KIF16B: variants seen among roughly 807,000 people sequenced by gnomAD.
The protein encoded by KIF16B is kinesin-like protein KIF16B.
KIF16B carries 98 observed loss-of-function variants against 156.3 expected under a neutral mutation model. The observed-to-expected ratio is 0.63, with a 90% CI of 0.53 to 0.74. The LOEUF is 0.74. Among genes scored for constraint, KIF16B ranks in the 30% least tolerant of loss-of-function variants. The pLI, the probability that KIF16B is intolerant of heterozygous loss-of-function variation, is 0.00. For synonymous variants in KIF16B, 564 were observed against 583.7 expected, an observed-to-expected ratio of 0.97 and a Z score of 0.49; for missense variants, 1,421 against 1,606.5, an observed-to-expected ratio of 0.88 and a Z score of 1.97.
chr20:16,428,993 T>A lies in KIF16B; in HGVS notation c.1434A>T (p.Thr478=). 1 of 1,613,166 alleles carries A rather than the reference T, an allele frequency of 6.2e-7. No homozygotes were observed. The highest frequency in any genetic ancestry group is 8.5e-7 in the Non-Finnish European group (1 of 1,179,302). ...IILYHLKEGQ[T]YVGRDDASTE... is the part of the protein sequence containing the mutation. ...TGGAAGCATCGTCTCTACCAACGTA[T>A]GTCTGACCTTCCTGGGAAGAAAACC... The change falls in exon 14 of 26, where the codon ACA becomes ACT. Residue 478 remains threonine, a synonymous_variant. Transcript: ENST00000354981.
At chr20:16,363,302 A>C (rs1355262399) in intron 22 of KIF16B, among the ~76,000 whole-genome samples, 1 of 152,176 alleles carries the variant, frequency 6.6e-6, no homozygotes, top group African/African-American at 2.4e-5. Context: ...TCAGAGGTAG[A>C]AGGCAATCAG....
intron 25 of KIF16B, among the ~76,000 whole-genome samples, chr20:16,311,491 CAAAACA>C (rs1190532271): frequency 1.3e-5 from 2 of 152,034 alleles, no homozygotes; most frequent in South Asian, 2.1e-4. Flanking sequence ...CCGTCTCAAA[CAAAACA>C]AAAACAAAAA....
chr20:16,537,704 GTT>G (rs1171475559), intron 1 of KIF16B, among the ~76,000 whole-genome samples: 6 of 101,542 alleles, frequency 5.9e-5, no homozygotes, highest in East Asian at 2.9e-4. Context: ...TCTTTTTTTC[GTT>G]TTTTTTTTTT....
intron 12 of KIF16B, among the ~76,000 whole-genome samples, chr20:16,453,121 T>G: frequency 7.7e-6 from 1 of 129,864 alleles, no homozygotes. Context: ...AAAAAAAAAA[T>G]TACTCAGGTT....
intron 17 of KIF16B, chr20:16,382,157 G>A (rs1270690964): frequency 5.0e-5 from 65 of 1,300,608 alleles, no homozygotes; most frequent in Non-Finnish European, 6.5e-5. Context: ...GAGAGAGAGA[G>A]AAAGAGAGAG....
At chr20:16,411,581 G>GA (rs747045210) in intron 15 of KIF16B, among the ~76,000 whole-genome samples, 8 of 151,172 alleles carry the variant, frequency 5.3e-5, no homozygotes, top group South Asian at 2.1e-4. Context: ...GAATAAGTAA[G>GA]AAAAAAAAAC....
intron 12 of KIF16B, among the ~76,000 whole-genome samples, chr20:16,492,701 C>A (rs17673673): frequency 2.0e-5 from 3 of 151,928 alleles, no homozygotes; most frequent in Admixed American, 2.0e-4. Flanking sequence ...CATGGAGGGA[C>A]GCTGCCGCAG....
At chr20:16,317,516 T>TGC (rs2063714658) in intron 24 of KIF16B, among the ~76,000 whole-genome samples, 1 of 152,246 alleles carries the variant, frequency 6.6e-6, no homozygotes, top group Non-Finnish European at 1.5e-5. Flanking sequence ...CCTTACAACT[T>TGC]TTTTGGAGAG....
At chr20:16,405,309 A>G (rs1468177914) in intron 16 of KIF16B, among the ~76,000 whole-genome samples, 1 of 152,158 alleles carries the variant, frequency 6.6e-6, no homozygotes, top group Admixed American at 6.5e-5. Flanking sequence ...GGGTGAAGGG[A>G]GACCAAAAGT....
At position 16,317,867 on chromosome 20, in the gene KIF16B, C is replaced by G. The variant is rs371564731; in HGVS notation, c.3712-5449G>C. Among the ~76,000 whole-genome samples, 15 of 152,258 alleles carry G rather than the reference C, an allele frequency of 9.9e-5. No individual in the cohort carries two copies. In the East Asian group the frequency reaches 2.1e-3, roughly 22 times the overall value. ...ATGCAATTCCACTCAAGGAGGAAGG[C>G]GAGCAGGGGCTGTGAGAGGAGGAGC... is the stretch of plus-strand genomic sequence containing the variant. On this transcript the variant is annotated intron_variant, in intron 24 of 25. Transcript: ENST00000354981.
At chr20:16,456,861 G>C (rs2067226264) in intron 12 of KIF16B, among the ~76,000 whole-genome samples, 2 of 152,120 alleles carry the variant, frequency 1.3e-5, no homozygotes, top group African/African-American at 2.4e-5. Context: ...AGCAGTCAAG[G>C]CTCATCCAGT....
chr20:16,569,408 C>A (rs1480102546), intron 1 of KIF16B, among the ~76,000 whole-genome samples: 1 of 152,196 alleles, frequency 6.6e-6, no homozygotes, highest in Non-Finnish European at 1.5e-5. Context: ...AAGGTGGCTA[C>A]CATTTTGCCT....
chr20:16,398,099 G>A lies in KIF16B; in HGVS notation c.1784+6714C>T, dbSNP rs552566414. ...ACAAAATGCCTGCGAGAGGATACAC[G>A]GGAAGCACTTAGCTCCAACTGGAAA... On this transcript the variant is annotated intron_variant, in intron 17 of 25. Transcript: ENST00000354981. Among the ~76,000 whole-genome samples the A allele has an allele frequency of 1.2e-4, 18 of 152,290 alleles. No individual in the cohort carries two copies. The South Asian group carries it at 3.1e-3, about 26-fold the overall frequency.
intron 15 of KIF16B, among the ~76,000 whole-genome samples, chr20:16,416,705 G>C (rs945741711): frequency 1.3e-5 from 2 of 150,344 alleles, no homozygotes; most frequent in African/African-American, 4.9e-5. Context: ...TGCACATCCT[G>C]CATATGTACC....
At chr20:16,476,990 G>A (rs569291202) in intron 12 of KIF16B, among the ~76,000 whole-genome samples, 3 of 151,836 alleles carry the variant, frequency 2.0e-5, no homozygotes, top group East Asian at 1.9e-4. Context: ...CTCATAATCC[G>A]CCCGCCTCAG....
At position 16,511,453 on chromosome 20, in the gene KIF16B, A is replaced by G; in HGVS notation, c.521T>C (p.Val174Ala). 1 of 1,611,818 alleles carries G rather than the reference A, an allele frequency of 6.2e-7. No homozygotes were observed. The highest frequency in any genetic ancestry group is 8.5e-7 in the Non-Finnish European group (1 of 1,178,392). Residue 174 changes from valine to alanine, a missense_variant, in exon 6 of 26, where the codon GTC becomes GCC. Coordinates refer to ENST00000354981, the MANE Select transcript of KIF16B (RefSeq NM_024704.5). The stretch of plus-strand genomic sequence containing the variant: ...AGGGCCTTCTTTGGGATGCTCACGG[A>G]CTCTCAAATTGAAGGTTTTAGATGA... ...RKSSKTFNLR[V>A]REHPKEGPYV...
chr20:16,479,457 C>T (rs2067916550), intron 12 of KIF16B, among the ~76,000 whole-genome samples: 1 of 151,976 alleles, frequency 6.6e-6, no homozygotes, highest in South Asian at 2.1e-4. Flanking sequence ...AGCCAATCAC[C>T]ACAGCAGATG....
At chr20:16,552,894 T>C (rs2070719005) in intron 1 of KIF16B, among the ~76,000 whole-genome samples, 1 of 151,998 alleles carries the variant, frequency 6.6e-6, no homozygotes, top group Non-Finnish European at 1.5e-5. Flanking sequence ...GCCTCCTGAG[T>C]AGCTGGGATT....
chr20:16,491,029 G>C (rs2068273643), intron 12 of KIF16B, among the ~76,000 whole-genome samples: 1 of 152,144 alleles, frequency 6.6e-6, no homozygotes, highest in Non-Finnish European at 1.5e-5. Context: ...TCCTGTGGCA[G>C]AAGCAAAACC....
Sources: allele counts gnomAD v4.1 joint callset (sites outside exome capture counted in the v4.1 genomes callset), GRCh38; gene constraint gnomAD v4.1.1; transcripts MANE v1.5; gene names NCBI Gene and HGNC (gene_info 2026-07-23, HGNC 2026-07-21).